Variants in CFAP299 observed in about 807,000 individuals in gnomAD.
CFAP299 encodes cilia- and flagella-associated protein 299.
Under a neutral mutation model 27.0 loss-of-function variants are expected in CFAP299, and 21 were observed. That is an observed-to-expected ratio of 0.78 (90% CI 0.55 to 1.12). CFAP299 has a LOEUF of 1.12. Among genes scored for constraint, CFAP299 ranks in the 50% most tolerant of loss-of-function variants. The pLI is 0.00. For missense variants in CFAP299, 310 were observed against 276.6 expected, an observed-to-expected ratio of 1.12 and a Z score of -0.86; for synonymous variants, 104 against 98.1, an observed-to-expected ratio of 1.06 and a Z score of -0.36.
At chr4:80,761,675 T>A (rs1192197125) in intron 3 of CFAP299, among the ~76,000 whole-genome samples, 2 of 152,076 alleles carry the variant, frequency 1.3e-5, no homozygotes, top group Non-Finnish European at 2.9e-5. Flanking sequence ...AAAAAACTTT[T>A]ATTATTGCAT....
intron 4 of CFAP299, among the ~76,000 whole-genome samples, chr4:80,934,277 A>T (rs1437466393): frequency 1.3e-5 from 2 of 152,144 alleles, no homozygotes; most frequent in Non-Finnish European, 2.9e-5. Flanking sequence ...ACTTGCAAAT[A>T]GTGTATAATC....
At chr4:80,711,886 C>G (rs1346339953) in intron 3 of CFAP299, among the ~76,000 whole-genome samples, 1 of 152,184 alleles carries the variant, frequency 6.6e-6, no homozygotes, top group African/African-American at 2.4e-5. Context: ...AATACAAGTT[C>G]TATGAATTGA....
intron 3 of CFAP299, among the ~76,000 whole-genome samples, chr4:80,603,869 A>G (rs1278663583): frequency 6.6e-6 from 1 of 152,168 alleles, no homozygotes; most frequent in Non-Finnish European, 1.5e-5. Context: ...AGCAGGAAAA[A>G]CAATCTCTAG....
chr4:80,388,595 G>A (rs1725157466), intron 2 of CFAP299: 1 of 1,429,574 alleles, frequency 7.0e-7, no homozygotes. Flanking sequence ...GATAGCAGGG[G>A]ACGCATTGAC....
intron 3 of CFAP299, among the ~76,000 whole-genome samples, chr4:80,613,440 CAATT>C (rs1738103696): frequency 1.3e-5 from 2 of 152,206 alleles, no homozygotes; most frequent in African/African-American, 4.8e-5. Flanking sequence ...TCATTCAACT[CAATT>C]TATTATAAAC....
At chr4:80,439,740 G>A (rs1728262502) in intron 2 of CFAP299, among the ~76,000 whole-genome samples, 1 of 152,130 alleles carries the variant, frequency 6.6e-6, no homozygotes, top group Non-Finnish European at 1.5e-5. Flanking sequence ...GAGCCAAGTG[G>A]TCTTGTTCAG....
At chr4:80,567,086 C>A (rs1379610998) in intron 2 of CFAP299, among the ~76,000 whole-genome samples, 2 of 151,936 alleles carry the variant, frequency 1.3e-5, no homozygotes, top group Non-Finnish European at 2.9e-5. Context: ...CACTGTAGAT[C>A]TGAAGACTCC....
chr4:80,457,888 A>G (rs551423289), intron 2 of CFAP299, among the ~76,000 whole-genome samples: 1 of 152,206 alleles, frequency 6.6e-6, no homozygotes, highest in South Asian at 2.1e-4. Context: ...CTGAAACGTT[A>G]CTTCTGCATT....
chr4:80,691,524 G>T (rs537374138), intron 3 of CFAP299, among the ~76,000 whole-genome samples: 1 of 152,084 alleles, frequency 6.6e-6, no homozygotes, highest in Admixed American at 6.6e-5. Flanking sequence ...CAATAAATTA[G>T]GTATTGATGG....
intron 1 of CFAP299, among the ~76,000 whole-genome samples, chr4:80,359,366 CTCTA>C (rs1186849957): frequency 1.3e-5 from 2 of 151,998 alleles, no homozygotes; most frequent in African/African-American, 2.4e-5. Flanking sequence ...AAATTGTCCC[CTCTA>C]TCTAGATTGG....
intron 5 of CFAP299, among the ~76,000 whole-genome samples, chr4:80,962,043 A>C (rs1210421650): frequency 6.6e-6 from 1 of 151,908 alleles, no homozygotes; most frequent in Non-Finnish European, 1.5e-5. Context: ...GCAAAGTTAA[A>C]TTTCTATTGC....
chr4:80,365,113 A>G (rs966102092), intron 2 of CFAP299, among the ~76,000 whole-genome samples: 4 of 152,124 alleles, frequency 2.6e-5, no homozygotes, highest in African/African-American at 4.8e-5. Flanking sequence ...TCCTTTGGGT[A>G]TATACTCAGT....
At chr4:80,806,293 T>G (rs1728862635) in intron 3 of CFAP299, among the ~76,000 whole-genome samples, 1 of 152,188 alleles carries the variant, frequency 6.6e-6, no homozygotes, top group South Asian at 2.1e-4. Context: ...CTTTGCTTGC[T>G]TTTTAAATTC....
At chr4:80,576,286 G>C (rs1735862244) in intron 2 of CFAP299, among the ~76,000 whole-genome samples, 1 of 150,662 alleles carries the variant, frequency 6.6e-6, no homozygotes, top group African/African-American at 2.4e-5. Flanking sequence ...TTTATCTGTG[G>C]AAAGGTAGAA....
intron 2 of CFAP299, among the ~76,000 whole-genome samples, chr4:80,451,556 A>G (rs1283155119): frequency 1.3e-5 from 2 of 152,246 alleles, no homozygotes; most frequent in African/African-American, 4.8e-5. Context: ...TAAGTGAAAC[A>G]GTTTTGTCTA....
chr4:80,364,115 C>CACACACACACACACACACAT (rs1185553379), intron 2 of CFAP299, among the ~76,000 whole-genome samples: 2 of 151,644 alleles, frequency 1.3e-5, no homozygotes, highest in African/African-American at 4.8e-5. Flanking sequence ...CACACACACA[C>CACACACACACACACACACAT]ACATTTCTTT....
At chr4:80,679,552 TAC>T (rs1434451462) in intron 3 of CFAP299, among the ~76,000 whole-genome samples, 1 of 152,036 alleles carries the variant, frequency 6.6e-6, no homozygotes, top group Non-Finnish European at 1.5e-5. Flanking sequence ...ATGTATTAGA[TAC>T]AGTTAGTCCA....
rs145993672 is a variant in CFAP299 at position 80,519,637 on chromosome 4, AT to A, written c.243-63455del. Among the ~76,000 whole-genome samples the A allele has an allele frequency of 8.8e-3, 1,333 of 152,332 alleles. 26 individuals carry two copies. The highest frequency in any genetic ancestry group is 0.03 in the African/African-American group (1,268 of 41,576). ...AAATTAAACAATGAGATACAGTTTA[AT>A]ATAGGGATCATTATAAAATCGTAGA... On this transcript the variant is annotated intron_variant, in intron 2 of 5. Transcript: ENST00000358105.
At chr4:80,581,453 G>GAGAT (rs1553936101) in intron 2 of CFAP299, among the ~76,000 whole-genome samples, 90 of 103,016 alleles carry the variant, frequency 8.7e-4, no homozygotes, top group African/African-American at 2.9e-3. Context: ...TATTAAGTGA[G>GAGAT]ATATATATAT....
Sources: gnomAD v4.1 joint callset for allele counts (sites outside exome capture counted in the v4.1 genomes callset) on GRCh38, gnomAD v4.1.1 for gene constraint, MANE v1.5 for transcripts, NCBI Gene and HGNC (gene_info 2026-07-23, HGNC 2026-07-21) for gene names.